CABIN1: variants seen among roughly 807,000 people sequenced by gnomAD.
CABIN1 encodes the protein calcineurin binding protein 1, also known as calcineurin-binding protein cabin-1.
A neutral mutation model predicts 227.7 loss-of-function variants in CABIN1; 133 were observed. The ratio of observed to expected loss-of-function variants is 0.58; its 90% CI spans 0.51 to 0.67. The LOEUF is 0.67. Among genes scored for constraint, CABIN1 ranks in the 30% least tolerant of loss-of-function variants. CABIN1 has a pLI of 0.00. For missense variants in CABIN1, 2,408 were observed against 2,852.5 expected, an observed-to-expected ratio of 0.84 and a Z score of 3.55; for synonymous variants, 1,086 against 1,155.1, an observed-to-expected ratio of 0.94 and a Z score of 1.21.
chr22:24,136,913 A>G (rs1394193372), intron 29 of CABIN1, among the ~76,000 whole-genome samples: 1 of 152,114 alleles, frequency 6.6e-6, no homozygotes, highest in Non-Finnish European at 1.5e-5. Flanking sequence ...AACTCTTTAT[A>G]TATCAATGAA....
Position 24,167,240 on chromosome 22 carries a change from G to A in CABIN1, c.5609G>A (p.Gly1870Asp), listed in dbSNP as rs1311704305. 2 of 1,613,400 alleles carry A rather than the reference G, an allele frequency of 1.2e-6. No individual in the cohort carries two copies. The change falls in exon 32 of 37, where the codon GGC (glycine) becomes GAC (aspartate). Residue 1870 changes from glycine (G) to aspartate (D), a missense_variant. Physicochemically the swap from Gly to Asp is moderately conservative, Grantham distance 94. Coordinates refer to ENST00000263119, the MANE Select transcript of CABIN1 (RefSeq NM_012295.4). ...LLDAYRVWQQ[G>D]QKGVAYDLGR... ...GATGCCTACCGTGTGTGGCAGCAGG[G>A]CCAGAAGGGTGTGGCCTATGACCTG...
chr22:24,036,866 G>A (rs1601716783), intron 3 of CABIN1, among the ~76,000 whole-genome samples: 1 of 152,162 alleles, frequency 6.6e-6, no homozygotes, highest in African/African-American at 2.4e-5. Flanking sequence ...TGCAAGGCAT[G>A]TCAGTGAGGC....
At chr22:24,062,147 T>G in intron 13 of CABIN1, 122 bp downstream of exon 13, 1 of 799,222 alleles carries the variant, frequency 1.3e-6, no homozygotes, top group South Asian at 1.4e-5. Flanking sequence ...GCACATTTTT[T>G]GGGTTGGCTT....
chr22:24,036,114 G>T lies in CABIN1; in HGVS notation c.29G>T (p.Ser10Ile). The T allele has an allele frequency of 1.9e-6, 3 of 1,613,768 alleles. No individual in the cohort carries two copies. In the South Asian group the frequency reaches 3.3e-5, roughly 18 times the overall value. ...ATTCGAATTGCAGCCTTAAATGCCA[G>T]CTCCACCATTGAGGATGATCATGAA... is the stretch of plus-strand genomic sequence containing the variant. MIRIAALNA[S>I]STIEDDHEGS... is the part of the protein sequence containing the mutation. Residue 10 changes from serine (S) to isoleucine (I), a missense_variant, in exon 3 of 37, where the codon AGC becomes ATC. By Grantham distance (142) the Ser-to-Ile change is moderately radical. Around this residue, in one of 3 missense-constraint regions of CABIN1, gnomAD observed 1,045 missense variants for 1,168.4 expected, o/e 0.89. Transcript: ENST00000263119.
At position 24,076,195 on chromosome 22, in the gene CABIN1, T is replaced by C; in HGVS notation, c.2659T>C (p.Ser887Pro). The change falls in exon 19 of 37, where the codon TCC (serine) becomes CCC (proline). Residue 887 changes from serine (S) to proline (P), a missense_variant. Coordinates refer to ENST00000263119, the MANE Select transcript of CABIN1 (RefSeq NM_012295.4). ...EGMSETPMLP[S>P]SLMLLNTAHE... The stretch of plus-strand genomic sequence containing the variant: ...GATGTCAGAGACGCCCATGCTCCCA[T>C]CCTCCCTCATGCTGCTGAACACAGC... The C allele has an allele frequency of 6.2e-7, 1 of 1,614,080 alleles. No individual in the cohort carries two copies. The highest frequency in any genetic ancestry group is 2.2e-5 in the East Asian group (1 of 44,876).
Position 24,025,743 on chromosome 22 carries a change from C to T in CABIN1, c.-74-9701C>T, listed in dbSNP as rs149818092. On this transcript the variant is annotated intron_variant, in intron 1 of 36. Coordinates refer to ENST00000263119, the MANE Select transcript of CABIN1 (RefSeq NM_012295.4). ...GGGCTGAAGTGCAGTGGTGCAATCTCAGCTTACTGTAGCCTCGACCTCCCA... is the reference window on the plus strand; with the variant it reads ...GGGCTGAAGTGCAGTGGTGCAATCTTAGCTTACTGTAGCCTCGACCTCCCA... Among the ~76,000 whole-genome samples, 127 of 152,352 alleles carry T rather than the reference C, an allele frequency of 8.3e-4. 1 individual carries two copies. The highest frequency in any genetic ancestry group is 2.9e-3 in the African/African-American group (120 of 41,590).
At chr22:24,106,049 T>C (rs1289504520) in intron 26 of CABIN1, among the ~76,000 whole-genome samples, 1 of 152,152 alleles carries the variant, frequency 6.6e-6, no homozygotes, top group African/African-American at 2.4e-5. Context: ...CAGAATTCCC[T>C]CTCCACACAT....
Position 24,177,856 on chromosome 22 carries a change from G to A in CABIN1, c.6519+39G>A. ...CTGGGCTGGAGCCATGTGTGGGTGG[G>A]AGGCATAGGTTACAAAGGGGGCCTA... On this transcript the variant is annotated intron_variant, in intron 36 of 36. Coordinates refer to ENST00000263119, the MANE Select transcript of CABIN1 (RefSeq NM_012295.4). This position sits in a 1 kb window ranked among gnomAD's most constrained non-coding sequence, Gnocchi z 4.4. 1 of 1,583,028 alleles carries A rather than the reference G, an allele frequency of 6.3e-7. No homozygotes were observed. Among genetic ancestry groups the A allele is most frequent in the Non-Finnish European group, 8.6e-7 (1 of 1,157,558 alleles).
chr22:24,136,608 C>T (rs560789458), intron 29 of CABIN1, among the ~76,000 whole-genome samples: 9 of 147,498 alleles, frequency 6.1e-5, no homozygotes, highest in Admixed American at 4.8e-4. Context: ...TCAAGTGATC[C>T]GCCCTCCTTG....
chr22:24,177,792 C>G lies in CABIN1; in HGVS notation c.6494C>G (p.Ser2165Trp). The G allele has an allele frequency of 6.2e-7, 1 of 1,608,214 alleles. No homozygotes were observed. Among genetic ancestry groups the G allele is most frequent in the Non-Finnish European group, 8.5e-7 (1 of 1,176,122 alleles). ...PTLLSPKGSISEETKQKLKSA... is the reference protein window; with the variant it reads ...PTLLSPKGSIWEETKQKLKSA... ...CTGCTCTCCCCCAAAGGCAGCATCT[C>G]GGAGGAGACCAAGCAGAAGCTGAAG... is the stretch of plus-strand genomic sequence containing the variant. Residue 2165 changes from serine to tryptophan, a missense_variant, in exon 36 of 37, where the codon TCG (serine) becomes TGG (tryptophan). By Grantham distance (177) the Ser-to-Trp change is radical. Around this residue, in one of 3 missense-constraint regions of CABIN1, gnomAD observed 714 missense variants for 773.8 expected, o/e 0.92. Transcript: ENST00000263119. The surrounding 1 kb of genome is among the most constrained non-coding windows in gnomAD (Gnocchi z 4.4).
intron 29 of CABIN1, among the ~76,000 whole-genome samples, chr22:24,164,078 C>T (rs2046309161): frequency 1.3e-5 from 2 of 152,232 alleles, no homozygotes; most frequent in Admixed American, 1.3e-4. Context: ...CTGGGCCTCT[C>T]ACTGTCTGTC....
chr22:24,041,020 A>G (rs1389223714), intron 4 of CABIN1, 119 bp from the exon 5 acceptor site: 6 of 1,194,702 alleles, frequency 5.0e-6, no homozygotes, highest in African/African-American at 4.5e-5. Context: ...CCAGTGGTGG[A>G]CAACACTAGA....
chr22:24,098,264 A>G (rs1274957342), intron 26 of CABIN1, 72 bp downstream of exon 26: 1 of 1,553,514 alleles, frequency 6.4e-7, no homozygotes, highest in Admixed American at 1.7e-5. Context: ...CGGACGACTC[A>G]TTTTGTCGCT....
intron 1 of CABIN1, among the ~76,000 whole-genome samples, chr22:24,029,773 C>A (rs2036361585): frequency 6.6e-6 from 1 of 152,122 alleles, no homozygotes; most frequent in Admixed American, 6.5e-5. Flanking sequence ...TGTGATGAGT[C>A]TATATGAGAA....
chr22:24,058,275 C>T (rs1482315741), intron 10 of CABIN1, among the ~76,000 whole-genome samples: 1 of 152,206 alleles, frequency 6.6e-6, no homozygotes, highest in Non-Finnish European at 1.5e-5. Context: ...CTTCTGCCTC[C>T]ACCTCCCAAA....
chr22:24,167,901 T>C (rs1290193994), intron 32 of CABIN1, among the ~76,000 whole-genome samples: 1 of 152,146 alleles, frequency 6.6e-6, no homozygotes, highest in Non-Finnish European at 1.5e-5. Flanking sequence ...TGACACAGCA[T>C]GGGGCTATCA....
chr22:24,159,315 G>C (rs2046015680), intron 29 of CABIN1, among the ~76,000 whole-genome samples: 1 of 152,248 alleles, frequency 6.6e-6, no homozygotes, highest in South Asian at 2.1e-4. Context: ...GTCAGAAGCT[G>C]GGGGCAACCC....
chr22:24,145,411 T>A (rs1232696470), intron 29 of CABIN1, among the ~76,000 whole-genome samples: 1 of 152,208 alleles, frequency 6.6e-6, no homozygotes, highest in African/African-American at 2.4e-5. Flanking sequence ...ATGTAGGTAG[T>A]GCCATTGTCC....
intron 27 of CABIN1, among the ~76,000 whole-genome samples, chr22:24,114,355 G>A (rs954736928): frequency 1.3e-5 from 2 of 152,086 alleles, no homozygotes; most frequent in African/African-American, 4.8e-5. Context: ...CTGAGGTGTG[G>A]CTGGTCAGCT....
Sources: gnomAD v4.1 joint callset for allele counts (sites outside exome capture counted in the v4.1 genomes callset) on GRCh38, gnomAD v4.1.1 for gene constraint, gnomAD v4.1.1 regional missense constraint, Gnocchi (gnomAD v3.1) non-coding constraint, MANE v1.5 for transcripts, NCBI Gene and HGNC (gene_info 2026-07-23, HGNC 2026-07-21) for gene names.